SEC24D: variants seen among roughly 807,000 people sequenced by gnomAD.
SEC24D encodes the protein protein transport protein Sec24D.
A neutral mutation model predicts 116.9 loss-of-function variants in SEC24D; 69 were observed. That is an observed-to-expected ratio of 0.59 (90% CI 0.49 to 0.72). SEC24D has a LOEUF of 0.72. Ranked by LOEUF, SEC24D falls within the 30% of genes least tolerant of loss-of-function variation. The pLI is 0.00. For synonymous variants in SEC24D, 405 were observed against 442.8 expected (o/e 0.91, Z 1.07); for missense variants, 1,131 against 1,264.1 (o/e 0.89, Z 1.60).
intron 19 of SEC24D, 154 bp downstream of exon 19, chr4:118,738,107 C>T (rs891597407): frequency 1.5e-5 from 8 of 543,818 alleles, no homozygotes; most frequent in South Asian, 8.6e-5. Flanking sequence ...AAAACCACAG[C>T]CCCCCCAAAT....
chr4:118,757,980 C>T (rs1207131918), intron 10 of SEC24D, 135 bp from the exon 11 acceptor site: 9 of 682,322 alleles, frequency 1.3e-5, no homozygotes, highest in Non-Finnish European at 2.1e-5. Flanking sequence ...GGAATTAAAT[C>T]ATTTTTCCAG....
At position 118,791,071 on chromosome 4, in the gene SEC24D, G is replaced by A. The variant is rs191204927; in HGVS notation, c.1041+6612C>T. 4.6e-5 allele frequency among the ~76,000 whole-genome samples: 7 copies of A among 152,012 alleles called. No individual in the cohort carries two copies. In the East Asian group the frequency reaches 1.4e-3, roughly 29 times the overall value. ...GAGATTATAAATATCTAAAATAGCA[G>A]CATGTCCCTCATTTTCTATTATTAA... is the stretch of plus-strand genomic sequence containing the variant. On this transcript the variant is annotated intron_variant, in intron 8 of 22. Coordinates refer to ENST00000280551, the MANE Select transcript of SEC24D (RefSeq NM_014822.4).
At chr4:118,801,087 C>A (rs993292220) in intron 7 of SEC24D, among the ~76,000 whole-genome samples, 2 of 151,980 alleles carry the variant, frequency 1.3e-5, no homozygotes, top group African/African-American at 4.8e-5. Context: ...CGGTGAAACC[C>A]CGTCTCTATT....
chr4:118,814,673 A>G (rs1361348209), intron 6 of SEC24D, among the ~76,000 whole-genome samples: 1 of 152,146 alleles, frequency 6.6e-6, no homozygotes, highest in Non-Finnish European at 1.5e-5. Flanking sequence ...TCCTTTAGTT[A>G]TCTAAAATAG....
At position 118,810,074 on chromosome 4, in the gene SEC24D, CTGTGTGTGTGTG is replaced by C. The variant is rs71595321; in HGVS notation, c.802-4132_802-4121del. Among the ~76,000 whole-genome samples the C allele has an allele frequency of 8.5e-3, 328 of 38,602 alleles. 1 individual carries two copies. Among genetic ancestry groups the C allele is most frequent in the African/African-American group, 0.016 (157 of 9,838 alleles). 25.3% of individuals were successfully genotyped at this position (38,602 alleles called of 152,430 possible). A position where few individuals can be genotyped will look rare whatever the true frequency, so the allele number is the denominator to read the frequency against. On this transcript the variant is annotated intron_variant, in intron 6 of 22. Transcript: ENST00000280551. ...TGGTAAGAGACCAGGTCAGAGGTAG[CTGTGTGTGTGTG>C]TGTGTGTGTGTGTGTGTGTGTGTGT...
intron 8 of SEC24D, among the ~76,000 whole-genome samples, chr4:118,786,750 C>A (rs1728678392): frequency 6.6e-6 from 1 of 152,120 alleles, no homozygotes. Context: ...CTCAATCCTC[C>A]CCACTGTTCG....
chr4:118,790,140 A>G (rs1171546771), intron 8 of SEC24D, among the ~76,000 whole-genome samples: 2 of 152,214 alleles, frequency 1.3e-5, no homozygotes, highest in African/African-American at 4.8e-5. Flanking sequence ...GAGGGGATTA[A>G]AACGCAACTG....
At chr4:118,748,741 T>C (rs1244372036) in intron 13 of SEC24D, among the ~76,000 whole-genome samples, 2 of 152,114 alleles carry the variant, frequency 1.3e-5, no homozygotes, top group Admixed American at 6.5e-5. Context: ...TAATGACATT[T>C]GTATCACAAC....
rs1730118198 is a variant in SEC24D at position 118,815,729 on chromosome 4, G to C, written c.398-3C>G. 6.2e-7 allele frequency: 1 copy of C among 1,613,136 alleles called. No individual in the cohort carries two copies. The highest frequency in any genetic ancestry group is 8.5e-7 in the Non-Finnish European group (1 of 1,179,620). On this transcript the variant is annotated splice_polypyrimidine_tract_variant and splice_region_variant and intron_variant, in intron 4 of 22. Coordinates refer to ENST00000280551, the MANE Select transcript of SEC24D (RefSeq NM_014822.4). The stretch of plus-strand genomic sequence containing the variant: ...GCTTGGAGGAGCCATGCCTGAACCT[G>C]TGTGAGAAAGGAGACCAGCCCACTT...
intron 11 of SEC24D, among the ~76,000 whole-genome samples, chr4:118,756,986 T>C (rs1727128801): frequency 6.6e-6 from 1 of 152,204 alleles, no homozygotes; most frequent in African/African-American, 2.4e-5. Flanking sequence ...GGTTGTTTTT[T>C]CTCTCCTGAA....
In SEC24D at chr4:118,815,149, G is replaced by C; in HGVS notation, c.680C>G (p.Ser227Cys). ...GAGYPPQQAN[S>C]GPQMAGAQLS... is the part of the protein sequence containing the mutation. ...TTGTGCGCCTGCCATCTGGGGACCA[G>C]AGTTGGCTGCTTGGAAAAAATTTAA... Residue 227 changes from serine (S) to cysteine (C), a missense_variant, in exon 6 of 23, where the codon TCT becomes TGT. By Grantham distance (112) the Ser-to-Cys change is moderately radical (BLOSUM62 -1). Transcript: ENST00000280551. 6.2e-7 allele frequency: 1 copy of C among 1,613,930 alleles called. No homozygotes were observed. The highest frequency in any genetic ancestry group is 8.5e-7 in the Non-Finnish European group (1 of 1,179,906).
Position 118,723,654 on chromosome 4 carries a change from A to G in SEC24D, c.2960T>C (p.Leu987Pro). The G allele has an allele frequency of 5.6e-6, 9 of 1,598,356 alleles. No individual in the cohort carries two copies. Among genetic ancestry groups the G allele is most frequent in the Non-Finnish European group, 6.0e-6 (7 of 1,175,710 alleles). ...IQQKRPYSMKLTIVKQREQPE... is the reference protein window; with the variant it reads ...IQQKRPYSMKPTIVKQREQPE... ...TTGTTCTCGCTGCTTTACAATTGTGAGCTAGGAAAAAAAAAACAAAACAGT... is the reference window on the plus strand; with the variant it reads ...TTGTTCTCGCTGCTTTACAATTGTGGGCTAGGAAAAAAAAAACAAAACAGT... Residue 987 changes from leucine (L) to proline (P), a missense_variant and splice_region_variant, in exon 23 of 23, where the codon CTC becomes CCC. Leu to Pro is a moderately conservative substitution (Grantham distance 98). Coordinates refer to ENST00000280551, the MANE Select transcript of SEC24D (RefSeq NM_014822.4).
chr4:118,801,732 T>C (rs1326071228), intron 7 of SEC24D, among the ~76,000 whole-genome samples: 1 of 152,202 alleles, frequency 6.6e-6, no homozygotes, highest in East Asian at 1.9e-4. Flanking sequence ...CATAAATGAA[T>C]GAGCTCTAAA....
At chr4:118,796,204 C>T (rs952914229) in intron 8 of SEC24D, among the ~76,000 whole-genome samples, 7 of 152,084 alleles carry the variant, frequency 4.6e-5, no homozygotes, top group Non-Finnish European at 8.8e-5. Flanking sequence ...TTTCAAAACA[C>T]AATGTTGAAA....
At chr4:118,792,103 G>C (rs10014893) in intron 8 of SEC24D, among the ~76,000 whole-genome samples, 1 of 150,136 alleles carries the variant, frequency 6.7e-6, no homozygotes, top group South Asian at 2.1e-4. Context: ...CCGCCGCCCC[G>C]TCTGAGATGT....
At chr4:118,751,922 A>G (rs190623134) in intron 13 of SEC24D, 74 bp downstream of exon 13, 29 of 1,046,120 alleles carry the variant, frequency 2.8e-5, no homozygotes, top group Admixed American at 4.1e-5. Flanking sequence ...TCTTTCATAA[A>G]TGAAACTTTC....
intron 8 of SEC24D, among the ~76,000 whole-genome samples, chr4:118,779,714 C>T (rs767186500): frequency 1.3e-5 from 2 of 152,186 alleles, no homozygotes; most frequent in Non-Finnish European, 2.9e-5. Context: ...TAGAATTCAG[C>T]TGTGAATCCA....
At chr4:118,734,279 T>C (rs758548300) in intron 19 of SEC24D, among the ~76,000 whole-genome samples, 13 of 151,764 alleles carry the variant, frequency 8.6e-5, no homozygotes, top group Non-Finnish European at 1.6e-4. Flanking sequence ...AGCGGCGCAA[T>C]CTCGGGTCAC....
intron 7 of SEC24D, among the ~76,000 whole-genome samples, chr4:118,805,526 CA>C (rs1442369629): frequency 2.0e-5 from 3 of 152,156 alleles, no homozygotes; most frequent in Non-Finnish European, 4.4e-5. Context: ...CTGCTCGTGC[CA>C]GCTTTCCAAC....
Sources: allele counts gnomAD v4.1 joint callset (sites outside exome capture counted in the v4.1 genomes callset), GRCh38; gene constraint gnomAD v4.1.1; transcripts MANE v1.5; gene names NCBI Gene and HGNC (gene_info 2026-07-23, HGNC 2026-07-21).